Variants in PSME4 observed in about 807,000 individuals in gnomAD.
The protein encoded by PSME4 is proteasome activator subunit 4.
A neutral mutation model predicts 253.9 loss-of-function variants in PSME4; 89 were observed. The ratio of observed to expected loss-of-function variants is 0.35; its 90% confidence interval spans 0.30 to 0.42. The LOEUF (loss-of-function observed/expected upper bound fraction) is 0.42, where lower values mean the gene tolerates loss of function less well. Among genes scored for constraint, PSME4 ranks in the 10% least tolerant of loss-of-function variants. The pLI is 1.00. For missense variants in PSME4, 2,014 were observed against 2,195.2 expected (o/e 0.92, Z 1.65); for synonymous variants, 851 against 759.2 (o/e 1.12, Z -1.99).
intron 10 of PSME4, among the ~76,000 whole-genome samples, chr2:53,928,815 A>G (rs540633142): frequency 2.0e-5 from 3 of 152,292 alleles, no homozygotes; most frequent in East Asian, 1.9e-4. Flanking sequence ...CATGTCCCCA[A>G]TCCCCTGCTA....
At chr2:53,893,834 T>C in intron 34 of PSME4, 35 bp from the exon 35 acceptor site, 1 of 1,548,608 alleles carries the variant, frequency 6.5e-7, no homozygotes, top group Non-Finnish European at 8.7e-7. Context: ...ATTCAGCGTT[T>C]AAAATCCACT....
At chr2:53,881,219 T>A (rs139155400) in intron 41 of PSME4, among the ~76,000 whole-genome samples, 1 of 152,184 alleles carries the variant, frequency 6.6e-6, no homozygotes, top group Non-Finnish European at 1.5e-5. Flanking sequence ...TTGAAAAAAA[T>A]AGTTTTTCTA....
At chr2:53,955,853 C>T (rs923634182) in intron 1 of PSME4, among the ~76,000 whole-genome samples, 1 of 152,030 alleles carries the variant, frequency 6.6e-6, no homozygotes, top group Non-Finnish European at 1.5e-5. Flanking sequence ...GCCTGGGAAG[C>T]GAAGGTTGCA....
At chr2:53,933,114 C>T in intron 8 of PSME4, 1 of 183,160 alleles carries the variant, frequency 5.5e-6, no homozygotes, top group Non-Finnish European at 1.2e-5. Context: ...AGAATGCTAA[C>T]ATCAGGCATA....
intron 29 of PSME4, among the ~76,000 whole-genome samples, 195 bp downstream of exon 29, chr2:53,899,686 T>C (rs1481112423): frequency 6.6e-6 from 1 of 151,722 alleles, no homozygotes; most frequent in Non-Finnish European, 1.5e-5. Flanking sequence ...GGTGTGGTGG[T>C]GCATGCCTGT....
intron 9 of PSME4, 47 bp downstream of exon 9, chr2:53,932,621 T>C (rs1668887951): frequency 3.4e-6 from 5 of 1,464,174 alleles, no homozygotes; most frequent in Non-Finnish European, 3.8e-6. Flanking sequence ...AGGATGACCA[T>C]ATCTTTAAAA....
intron 28 of PSME4, 133 bp downstream of exon 28, chr2:53,901,217 A>G: frequency 2.5e-6 from 2 of 809,710 alleles, no homozygotes; most frequent in Non-Finnish European, 3.9e-6. Flanking sequence ...ACAGGTAACA[A>G]ACGCTTTTTT....
intron 2 of PSME4, 105 bp downstream of exon 2, chr2:53,949,038 G>T: frequency 7.4e-7 from 1 of 1,357,632 alleles, no homozygotes; most frequent in Non-Finnish European, 9.7e-7. Context: ...TTTCCAAATT[G>T]GCAATTTGAG....
intron 36 of PSME4, among the ~76,000 whole-genome samples, chr2:53,891,961 A>T (rs1679929465): frequency 6.6e-6 from 1 of 152,140 alleles, no homozygotes; most frequent in Non-Finnish European, 1.5e-5. Flanking sequence ...GGAATTCTTC[A>T]ATCAGCAGGA....
chr2:53,933,778 T>C (rs1421666912), intron 8 of PSME4, among the ~76,000 whole-genome samples: 5 of 152,206 alleles, frequency 3.3e-5, no homozygotes, highest in African/African-American at 1.2e-4. Context: ...CTAATCACTA[T>C]CCAATTCTGT....
chr2:53,940,966 T>TAC (rs1558413918), intron 3 of PSME4, among the ~76,000 whole-genome samples: 9 of 67,792 alleles, frequency 1.3e-4, no homozygotes, highest in African/African-American at 1.5e-4. Flanking sequence ...TATATATATA[T>TAC]ATATATATAT....
chr2:53,950,735 G>A (rs1669938840), intron 1 of PSME4, among the ~76,000 whole-genome samples: 2 of 151,826 alleles, frequency 1.3e-5, no homozygotes. Flanking sequence ...CAGCTACTAG[G>A]GAGGCTGAGG....
rs774895043 is a variant in PSME4, at chr2:53,895,596, A to G, written c.3829T>C (p.Tyr1277His). Residue 1277 changes from tyrosine (Y) to histidine (H), a missense_variant, in exon 33 of 47, where the codon TAC (tyrosine) becomes CAC (histidine). Coordinates refer to ENST00000404125, the MANE Select transcript of PSME4 (RefSeq NM_014614.3). ...TAAGTTACTTACTTTGGCCAGGTGT[A>G]GTATCCCCAGTGAGTTTTTTCCACA... The part of the protein sequence containing the change: ...CFVEKTHWGY[Y>H]TWPKNMVVYA... 31 of 1,612,006 alleles carry G rather than the reference A, an allele frequency of 1.9e-5. No homozygotes were observed. The highest frequency in any genetic ancestry group is 2.4e-5 in the Non-Finnish European group (28 of 1,179,172).
In PSME4 at chr2:53,940,442, G is replaced by A. The variant is rs564446301; in HGVS notation, c.501-442C>T. 1.1e-4 allele frequency among the ~76,000 whole-genome samples: 17 copies of A among 152,146 alleles called. 1 individual carries two copies. The Middle Eastern group carries it at 0.014, about 122-fold the overall frequency. Reference sequence around the variant, plus strand: ...TTTCACAACCAATTGATGAGAGTTCGATAACCCTCCCAGGCACTTTAAGGC... The same window carrying A: ...TTTCACAACCAATTGATGAGAGTTCAATAACCCTCCCAGGCACTTTAAGGC... On this transcript the variant is annotated intron_variant, in intron 3 of 46. Transcript: ENST00000404125.
At chr2:53,875,373 C>T (rs1322824064) in intron 42 of PSME4, among the ~76,000 whole-genome samples, 1 of 152,134 alleles carries the variant, frequency 6.6e-6, no homozygotes, top group African/African-American at 2.4e-5. Flanking sequence ...CACTTTTTAT[C>T]CAAAGCACTT....
At chr2:53,945,625 TA>T (rs912012004) in intron 3 of PSME4, among the ~76,000 whole-genome samples, 1 of 152,212 alleles carries the variant, frequency 6.6e-6, no homozygotes, top group Non-Finnish European at 1.5e-5. Context: ...AACTAGCTTT[TA>T]AAATCATGTT....
At chr2:53,869,607 A>G (rs1444339545) in intron 43 of PSME4, 69 bp from the exon 44 acceptor site, 1 of 1,306,114 alleles carries the variant, frequency 7.7e-7, no homozygotes, top group East Asian at 2.4e-5. Context: ...GATAGGGGGT[A>G]GTGTGGGAAC....
chr2:53,939,062 G>T (rs1473286418), intron 4 of PSME4, among the ~76,000 whole-genome samples: 3 of 152,124 alleles, frequency 2.0e-5, no homozygotes, highest in Admixed American at 2.0e-4. Flanking sequence ...GGCCAAGAAG[G>T]TAACTGCCTC....
chr2:53,898,302 G>A lies in PSME4; in HGVS notation c.3475C>T (p.Leu1159=). 1 of 1,603,054 alleles carries A rather than the reference G, an allele frequency of 6.2e-7. No individual in the cohort carries two copies. The highest frequency in any genetic ancestry group is 8.5e-7 in the Non-Finnish European group (1 of 1,175,876). Residue 1159 remains leucine (L), a splice_region_variant and synonymous_variant, in exon 30 of 47, where the codon CTG becomes TTG. Coordinates refer to ENST00000404125, the MANE Select transcript of PSME4 (RefSeq NM_014614.3). ...TLLDGVEQRN[L]PWKFEHIGIG... The stretch of plus-strand genomic sequence containing the variant: ...ATTACAAAAATCTTTTGCACTTACA[G>A]GTTTCTTTGCTCCACACCATCTAGC...
Sources: gnomAD v4.1 joint callset for allele counts (sites outside exome capture counted in the v4.1 genomes callset) on GRCh38, gnomAD v4.1.1 for gene constraint, MANE v1.5 for transcripts, NCBI Gene and HGNC (gene_info 2026-07-23, HGNC 2026-07-21) for gene names.